The following DENND5B variants were observed in gnomAD, a reference collection of about 807,000 sequenced individuals.
DENND5B encodes the protein DENN domain containing 5B, also known as DENN domain-containing protein 5B.
In DENND5B, 34 loss-of-function variants were observed where a neutral mutation model predicts 140.6. The ratio of observed to expected loss-of-function variants is 0.24; its 90% confidence interval spans 0.18 to 0.32. The LOEUF is 0.32. Among genes scored for constraint, DENND5B ranks in the 10% least tolerant of loss-of-function variants. The pLI, the probability that DENND5B is intolerant of heterozygous loss-of-function variation, is 1.00. For synonymous variants in DENND5B, 551 were observed against 562.1 expected, an observed-to-expected ratio of 0.98 and a Z score of 0.28; for missense variants, 1,142 against 1,560.2, an observed-to-expected ratio of 0.73 and a Z score of 4.52.
intron 5 of DENND5B, among the ~76,000 whole-genome samples, chr12:31,448,519 C>G (rs144834147): frequency 6.6e-6 from 1 of 152,156 alleles, no homozygotes; most frequent in African/African-American, 2.4e-5. Flanking sequence ...TTAACTGATA[C>G]AATAAACACA....
chr12:31,566,103 C>T (rs148723366), intron 1 of DENND5B, among the ~76,000 whole-genome samples: 2 of 152,120 alleles, frequency 1.3e-5, no homozygotes, highest in Non-Finnish European at 2.9e-5. Context: ...TGAGATCACA[C>T]CACTACAGTG....
chr12:31,489,848 C>T (rs1357060446), intron 2 of DENND5B, among the ~76,000 whole-genome samples: 5 of 152,130 alleles, frequency 3.3e-5, no homozygotes, highest in African/African-American at 1.2e-4. Context: ...TAAATGTTTA[C>T]AGTGAAGTCT....
At chr12:31,470,600 C>A (rs1287121998) in intron 3 of DENND5B, among the ~76,000 whole-genome samples, 1 of 152,088 alleles carries the variant, frequency 6.6e-6, no homozygotes, top group South Asian at 2.1e-4. Context: ...TACAGTAACA[C>A]AAATAAACCA....
chr12:31,583,744 A>G (rs955465649), intron 1 of DENND5B, among the ~76,000 whole-genome samples: 3 of 152,182 alleles, frequency 2.0e-5, no homozygotes, highest in Non-Finnish European at 4.4e-5. Context: ...AGTGTCTGGC[A>G]TGTGGAAAGC....
At chr12:31,581,889 G>A (rs754407841) in intron 1 of DENND5B, among the ~76,000 whole-genome samples, 6 of 152,018 alleles carry the variant, frequency 3.9e-5, no homozygotes, top group African/African-American at 9.7e-5. Flanking sequence ...CGTGTAGTAC[G>A]TACAGATAAC....
intron 3 of DENND5B, among the ~76,000 whole-genome samples, chr12:31,479,211 T>C (rs561074376): frequency 6.6e-6 from 1 of 152,298 alleles, no homozygotes; most frequent in East Asian, 1.9e-4. Flanking sequence ...TACTAATCCA[T>C]AAAGAATGGG....
intron 1 of DENND5B, among the ~76,000 whole-genome samples, chr12:31,581,262 A>T (rs1374334502): frequency 6.6e-6 from 1 of 152,240 alleles, no homozygotes; most frequent in Non-Finnish European, 1.5e-5. Flanking sequence ...GGGAACTGGC[A>T]GTATCATCCA....
At chr12:31,475,478 T>C (rs933343376) in intron 3 of DENND5B, among the ~76,000 whole-genome samples, 4 of 152,182 alleles carry the variant, frequency 2.6e-5, no homozygotes, top group African/African-American at 9.7e-5. Flanking sequence ...AGCTAAGCAG[T>C]GGCTCACACC....
intron 16 of DENND5B, among the ~76,000 whole-genome samples, chr12:31,399,442 C>T (rs962858906): frequency 6.6e-6 from 1 of 151,676 alleles, no homozygotes; most frequent in African/African-American, 2.4e-5. Context: ...CCATGCCCTG[C>T]TAATTTTTTT....
At chr12:31,565,922 G>C (rs1483594888) in intron 1 of DENND5B, among the ~76,000 whole-genome samples, 1 of 151,826 alleles carries the variant, frequency 6.6e-6, no homozygotes, top group African/African-American at 2.4e-5. Flanking sequence ...CAGGTGGATT[G>C]CTTGAACCCA....
chr12:31,575,631 C>T lies in DENND5B; in HGVS notation c.127+15075G>A, dbSNP rs187109009. Among the ~76,000 whole-genome samples the T allele has an allele frequency of 7.2e-5, 11 of 152,218 alleles. No individual in the cohort carries two copies. In the East Asian group the frequency reaches 2.1e-3, roughly 29 times the overall value. ...GAACAGATACTGGAAATAAAAGGTA[C>T]TAAACCCGAAAAGATGTGAGATATA... On this transcript the variant is annotated intron_variant, in intron 1 of 20. Coordinates refer to ENST00000389082, the MANE Select transcript of DENND5B (RefSeq NM_144973.4).
chr12:31,478,017 AT>A (rs142172766), intron 3 of DENND5B: 117 of 165,702 alleles, frequency 7.1e-4, no homozygotes, highest in South Asian at 5.2e-4. Flanking sequence ...TAAAAAATGG[AT>A]TTTTTTTTTA....
At chr12:31,518,577 C>CTTT (rs5797414) in intron 1 of DENND5B, among the ~76,000 whole-genome samples, 2,997 of 147,232 alleles carry the variant, frequency 0.02, 51 homozygotes, top group South Asian at 0.052. Context: ...TCAAATATAC[C>CTTT]TTTTTTTTTT....
At chr12:31,590,677 G>A (rs1382768834) in intron 1 of DENND5B, 29 bp downstream of exon 1, 11 of 1,451,092 alleles carry the variant, frequency 7.6e-6, no homozygotes, top group Admixed American at 2.5e-5. Flanking sequence ...CCCTGAGGGG[G>A]CTCAGCGCCG....
In DENND5B at chr12:31,423,348, G is replaced by C. The variant is rs139414248; in HGVS notation, c.2470+249C>G. Among the ~76,000 whole-genome samples, 9 of 152,216 alleles carry C rather than the reference G, an allele frequency of 5.9e-5. No homozygotes were observed. In the East Asian group the frequency reaches 1.7e-3, roughly 29 times the overall value. ...TTTCACATGATACCTTATTTGATCA[G>C]CATGACCGTTCTAGCCTAGGTAATC... On this transcript the variant is annotated intron_variant, in intron 11 of 20. Coordinates refer to ENST00000389082, the MANE Select transcript of DENND5B (RefSeq NM_144973.4).
At chr12:31,556,352 C>T (rs910887020) in intron 1 of DENND5B, among the ~76,000 whole-genome samples, 7 of 152,184 alleles carry the variant, frequency 4.6e-5, no homozygotes, top group African/African-American at 1.7e-4. Context: ...CAGGCACCTG[C>T]CACCATGCCC....
chr12:31,510,983 C>T (rs535899201), intron 1 of DENND5B, among the ~76,000 whole-genome samples: 1 of 152,278 alleles, frequency 6.6e-6, no homozygotes, highest in Middle Eastern at 3.4e-3. Flanking sequence ...GTAATCCTAA[C>T]ATTTTGGGAG....
intron 1 of DENND5B, among the ~76,000 whole-genome samples, chr12:31,517,404 T>C (rs1947700935): frequency 6.6e-6 from 1 of 152,268 alleles, no homozygotes; most frequent in Non-Finnish European, 1.5e-5. Flanking sequence ...TAATTCTGTA[T>C]TGGCTGTTTG....
chr12:31,406,344 A>C (rs1942127653), intron 14 of DENND5B, among the ~76,000 whole-genome samples: 1 of 152,216 alleles, frequency 6.6e-6, no homozygotes, highest in Non-Finnish European at 1.5e-5. Context: ...TGAGGAAAAC[A>C]AATGAGATAA....
Sources: gnomAD v4.1 joint callset for allele counts (sites outside exome capture counted in the v4.1 genomes callset) on GRCh38, gnomAD v4.1.1 for gene constraint, MANE v1.5 for transcripts, NCBI Gene and HGNC (gene_info 2026-07-23, HGNC 2026-07-21) for gene names.